Variants in LMNB1 observed in about 807,000 individuals in gnomAD.
LMNB1 encodes lamin B1.
LMNB1 carries 23 observed loss-of-function variants against 67.1 expected under a neutral mutation model. The observed-to-expected ratio is 0.34, with a 90% CI of 0.25 to 0.49. The LOEUF (loss-of-function observed/expected upper bound fraction) is 0.49, where lower values mean the gene tolerates loss of function less well. Among genes scored for constraint, LMNB1 ranks in the 20% least tolerant of loss-of-function variants. The pLI, the probability that LMNB1 is intolerant of heterozygous loss-of-function variation, is 0.99. For missense variants in LMNB1, 634 were observed against 746.5 expected (o/e 0.85, Z 1.76); for synonymous variants, 281 against 282.9 (o/e 0.99, Z 0.07).
chr5:126,818,795 A>G (rs1751789141), intron 5 of LMNB1, 127 bp from the exon 6 acceptor site: 1 of 690,220 alleles, frequency 1.4e-6, no homozygotes, highest in Non-Finnish European at 2.5e-6. Flanking sequence ...AAATCTCTTG[A>G]ATTCTAGTGA....
At chr5:126,782,045 CA>C (rs1750646025) in intron 1 of LMNB1, among the ~76,000 whole-genome samples, 1 of 152,106 alleles carries the variant, frequency 6.6e-6, no homozygotes, top group Non-Finnish European at 1.5e-5. Flanking sequence ...TTTGAGAGAA[CA>C]GTTTCCAAAA....
At chr5:126,788,044 C>G (rs1188797526) in intron 1 of LMNB1, among the ~76,000 whole-genome samples, 1 of 151,928 alleles carries the variant, frequency 6.6e-6, no homozygotes, top group African/African-American at 2.4e-5. Context: ...TGAACTGAGG[C>G]AGGTGGAAGA....
intron 1 of LMNB1, among the ~76,000 whole-genome samples, chr5:126,803,969 T>C (rs900899249): frequency 2.0e-5 from 3 of 152,174 alleles, no homozygotes; most frequent in Non-Finnish European, 4.4e-5. Context: ...ACTTGCAAGC[T>C]TGGGGTCAAT....
intron 8 of LMNB1, among the ~76,000 whole-genome samples, 168 bp from the exon 9 acceptor site, chr5:126,825,820 G>T (rs1404422607): frequency 1.3e-5 from 2 of 152,164 alleles, no homozygotes; most frequent in Non-Finnish European, 2.9e-5. Flanking sequence ...CTGAGGCCTT[G>T]AGAAGCTCTG....
intron 1 of LMNB1, among the ~76,000 whole-genome samples, chr5:126,788,135 T>G (rs966069475): frequency 6.6e-6 from 1 of 152,110 alleles, no homozygotes; most frequent in Non-Finnish European, 1.5e-5. Flanking sequence ...GCTTCCATGC[T>G]TGGGTGCCTG....
chr5:126,791,836 T>G (rs1388545135), intron 1 of LMNB1, among the ~76,000 whole-genome samples: 1 of 151,908 alleles, frequency 6.6e-6, no homozygotes, highest in Non-Finnish European at 1.5e-5. Flanking sequence ...CAGGCTGGAG[T>G]GCAGTGGTGC....
At chr5:126,803,186 A>G (rs936247030) in intron 1 of LMNB1, among the ~76,000 whole-genome samples, 1 of 151,152 alleles carries the variant, frequency 6.6e-6, no homozygotes, top group Non-Finnish European at 1.5e-5. Context: ...GCCATCTCAA[A>G]AAAAAAAAAA....
intron 1 of LMNB1, among the ~76,000 whole-genome samples, chr5:126,799,041 A>T (rs1425240122): frequency 7.2e-6 from 1 of 138,194 alleles, no homozygotes; most frequent in Non-Finnish European, 1.5e-5. Flanking sequence ...TTTTTTTGAG[A>T]CGGAGTCTCG....
intron 1 of LMNB1, among the ~76,000 whole-genome samples, chr5:126,786,014 G>C (rs1012293019): frequency 1.3e-5 from 2 of 151,862 alleles, no homozygotes; most frequent in African/African-American, 2.4e-5. Flanking sequence ...ACTCCCTTTG[G>C]GGGGTGGGGG....
chr5:126,821,286 ATAAAAAT>A (rs1038575788), intron 7 of LMNB1, 151 bp downstream of exon 7: 4 of 595,388 alleles, frequency 6.7e-6, no homozygotes, highest in African/African-American at 5.6e-5. Flanking sequence ...ATAAAATAAA[ATAAAAAT>A]TAAAATAGGA....
intron 1 of LMNB1, among the ~76,000 whole-genome samples, chr5:126,800,604 G>T (rs1751245818): frequency 6.7e-6 from 1 of 148,396 alleles, no homozygotes; most frequent in Non-Finnish European, 1.5e-5. Flanking sequence ...GGACTGTTGG[G>T]ATGGGGCTTG....
At chr5:126,806,597 T>C (rs959383970) in intron 3 of LMNB1, among the ~76,000 whole-genome samples, 14 of 151,644 alleles carry the variant, frequency 9.2e-5, no homozygotes, top group African/African-American at 3.4e-4. Flanking sequence ...GGGTCAGTGA[T>C]GAGAAAGAGA....
chr5:126,828,662 A>C (rs777140417), intron 9 of LMNB1, among the ~76,000 whole-genome samples: 208 of 151,668 alleles, frequency 1.4e-3, no homozygotes, highest in Non-Finnish European at 7.5e-4. Context: ...GCTCACTGCA[A>C]CCTCCGCCTC....
intron 1 of LMNB1, among the ~76,000 whole-genome samples, chr5:126,800,982 A>AGTTTTTTTTT (rs1332039988): frequency 5.4e-5 from 1 of 18,632 alleles, no homozygotes; most frequent in African/African-American, 1.7e-4. Flanking sequence ...TATATATATA[A>AGTTTTTTTTT]TTTTTTTTTT....
intron 3 of LMNB1, among the ~76,000 whole-genome samples, chr5:126,808,302 G>C (rs1445540125): frequency 6.6e-6 from 1 of 151,854 alleles, no homozygotes; most frequent in African/African-American, 2.4e-5. Context: ...TTGTGCCTCA[G>C]CCTCACGAGT....
intron 1 of LMNB1, among the ~76,000 whole-genome samples, chr5:126,799,454 G>A (rs1751208285): frequency 6.6e-6 from 1 of 152,242 alleles, no homozygotes; most frequent in African/African-American, 2.4e-5. Flanking sequence ...TGAGCTCCCA[G>A]TGCAGGTAGC....
rs1752249694 is a variant in LMNB1, at chr5:126,836,453, T to C, written c.*189T>C. 1 of 507,716 alleles carries C rather than the reference T, an allele frequency of 2.0e-6. No individual in the cohort carries two copies. Among genetic ancestry groups the C allele is most frequent in the East Asian group, 3.1e-5 (1 of 32,010 alleles). 31.5% of individuals were successfully genotyped at this position (507,716 alleles called of 1,614,324 possible). A position where few individuals can be genotyped will look rare whatever the true frequency, so the allele number is the denominator to read the frequency against. ...TAAAAGAAATCATGTCCATACACTT[T>C]GTTGCAAGATGTGAATTATTGACAC... On this transcript the variant is annotated 3_prime_UTR_variant, in exon 11 of 11. Transcript: ENST00000261366.
intron 1 of LMNB1, among the ~76,000 whole-genome samples, chr5:126,794,299 G>C (rs1471828308): frequency 1.3e-5 from 2 of 152,144 alleles, no homozygotes; most frequent in African/African-American, 2.4e-5. Context: ...AAAATACTGT[G>C]GATCACATCC....
rs73333453 is a variant in LMNB1 at position 126,787,950 on chromosome 5, T to C, written c.359+10083T>C. Among the ~76,000 whole-genome samples the C allele has an allele frequency of 6.9e-3, 1,052 of 152,034 alleles. 10 individuals are homozygous for C. Among genetic ancestry groups the C allele is most frequent in the African/African-American group, 0.024 (1,004 of 41,440 alleles). ...ATTTTAAGGCAGAATTGTGACATGA[T>C]CATTCTGGCTATGCTGTGGAGGGAA... On this transcript the variant is annotated intron_variant, in intron 1 of 10. Transcript: ENST00000261366.
Sources: gnomAD v4.1 joint callset for allele counts (sites outside exome capture counted in the v4.1 genomes callset) on GRCh38, gnomAD v4.1.1 for gene constraint, MANE v1.5 for transcripts, NCBI Gene and HGNC (gene_info 2026-07-23, HGNC 2026-07-21) for gene names.